The following ASIC2 variants were observed in gnomAD, a reference collection of about 807,000 sequenced individuals.
ASIC2 encodes acid-sensing ion channel 2.
Under a neutral mutation model 57.3 loss-of-function variants are expected in ASIC2, and 25 were observed. The observed-to-expected ratio is 0.44, with a 90% confidence interval of 0.32 to 0.61. The LOEUF (loss-of-function observed/expected upper bound fraction) is 0.61, where lower values mean the gene tolerates loss of function less well. ASIC2 is among the 20% of genes least tolerant of loss of function. The pLI, the probability that ASIC2 is intolerant of heterozygous loss-of-function variation, is 0.06. For synonymous variants in ASIC2, 319 were observed against 307.5 expected, an observed-to-expected ratio of 1.04 and a Z score of -0.39; for missense variants, 641 against 738.1, an observed-to-expected ratio of 0.87 and a Z score of 1.52.
At chr17:33,910,602 C>T (rs1915441414) in intron 1 of ASIC2, among the ~76,000 whole-genome samples, 1 of 152,114 alleles carries the variant, frequency 6.6e-6, no homozygotes, top group Admixed American at 6.5e-5. Flanking sequence ...TCATCTTTTC[C>T]CCCAGACTAT....
chr17:33,082,031 G>A (rs1385243354), intron 3 of ASIC2, among the ~76,000 whole-genome samples: 1 of 152,174 alleles, frequency 6.6e-6, no homozygotes, highest in African/African-American at 2.4e-5. Flanking sequence ...CAGCTCAAGT[G>A]ATATAAAGTC....
At chr17:33,266,955 T>G (rs900017297) in intron 1 of ASIC2, among the ~76,000 whole-genome samples, 1 of 152,164 alleles carries the variant, frequency 6.6e-6, no homozygotes, top group African/African-American at 2.4e-5. Flanking sequence ...ACGATTTGGT[T>G]GATTCTGTAT....
rs567502728 is a variant in ASIC2, at chr17:34,122,926, C to T, written c.555+33052G>A. Among the ~76,000 whole-genome samples the T allele has an allele frequency of 1.1e-4, 16 of 152,316 alleles. No homozygotes were observed. In the East Asian group the frequency reaches 2.3e-3, roughly 22 times the overall value. On this transcript the variant is annotated intron_variant, in intron 1 of 9. Transcript: ENST00000359872. ...CACAAAGCAGCCTCATAAAGAATAT[C>T]GTCAAGTAATAAAATATCCAAATCT...
At chr17:33,987,221 A>G (rs1905848974) in intron 1 of ASIC2, among the ~76,000 whole-genome samples, 1 of 152,168 alleles carries the variant, frequency 6.6e-6, no homozygotes. Flanking sequence ...GTTTTGAACC[A>G]ACTCGGCTGC....
intron 1 of ASIC2, among the ~76,000 whole-genome samples, chr17:33,267,603 G>A: frequency 6.6e-6 from 1 of 152,200 alleles, no homozygotes; most frequent in East Asian, 1.9e-4. Flanking sequence ...AAACCCCAAA[G>A]GTGAAGCAGT....
At chr17:33,546,557 G>A (rs952753682) in intron 1 of ASIC2, among the ~76,000 whole-genome samples, 1 of 152,148 alleles carries the variant, frequency 6.6e-6, no homozygotes, top group African/African-American at 2.4e-5. Context: ...GGCACATAAT[G>A]TAACCTCCTT....
intron 1 of ASIC2, among the ~76,000 whole-genome samples, chr17:33,487,020 CAGT>C (rs1913596655): frequency 6.6e-6 from 1 of 152,138 alleles, no homozygotes; most frequent in Non-Finnish European, 1.5e-5. Context: ...AATCATCCTG[CAGT>C]AGTAGAAGAG....
intron 1 of ASIC2, among the ~76,000 whole-genome samples, chr17:33,502,750 G>A (rs1255416787): frequency 1.3e-5 from 2 of 152,150 alleles, no homozygotes; most frequent in African/African-American, 4.8e-5. Flanking sequence ...TCCTTAAAAT[G>A]GGTTGGCCTC....
intron 1 of ASIC2, among the ~76,000 whole-genome samples, chr17:33,464,817 G>T (rs1475246243): frequency 2.6e-5 from 4 of 151,474 alleles, no homozygotes; most frequent in Non-Finnish European, 4.4e-5. Flanking sequence ...AGCCCCATAA[G>T]CATTTGGACA....
chr17:33,134,677 T>C (rs1298323713), intron 1 of ASIC2, among the ~76,000 whole-genome samples: 2 of 152,210 alleles, frequency 1.3e-5, no homozygotes, highest in Non-Finnish European at 2.9e-5. Context: ...CAGCACTGGT[T>C]GTCCTGCCTG....
Position 33,769,873 on chromosome 17 carries a change from A to G in ASIC2, c.555+386105T>C, listed in dbSNP as rs544512833. Among the ~76,000 whole-genome samples the G allele has an allele frequency of 5.3e-5, 8 of 152,306 alleles. No homozygotes were observed. The East Asian group carries it at 9.7e-4, about 18-fold the overall frequency. On this transcript the variant is annotated intron_variant, in intron 1 of 9. Coordinates refer to the ASIC2 transcript ENST00000359872. ...TCCTCACATGGTGAAGAGCAGAGGG[A>G]GAAAACCCATGGCTCCTCCTCTCTT...
At chr17:34,082,515 G>A (rs1248430363) in intron 1 of ASIC2, among the ~76,000 whole-genome samples, 1 of 152,130 alleles carries the variant, frequency 6.6e-6, no homozygotes, top group Non-Finnish European at 1.5e-5. Context: ...TCACTGCATT[G>A]CCTGTTTTTT....
In ASIC2 at chr17:33,222,822, C is replaced by T. The variant is rs1907733046; in HGVS notation, c.708+68586G>A. Among the ~76,000 whole-genome samples the T allele has an allele frequency of 2.0e-5, 3 of 152,286 alleles. No homozygotes were observed. In the South Asian group the frequency reaches 6.2e-4, roughly 32 times the overall value. On this transcript the variant is annotated intron_variant, in intron 1 of 9. Transcript: ENST00000225823. ...TACAGTCTAGCAGTACTCAATCAAT[C>T]AGTTCATCAATCAGCCATTCATTCA...
At chr17:33,400,847 C>T (rs1223377677) in intron 1 of ASIC2, among the ~76,000 whole-genome samples, 3 of 152,142 alleles carry the variant, frequency 2.0e-5, no homozygotes, top group Non-Finnish European at 4.4e-5. Flanking sequence ...CTCTCTATTA[C>T]AAACAGGCAT....
intron 1 of ASIC2, among the ~76,000 whole-genome samples, chr17:33,807,594 C>G (rs1232015039): frequency 1.3e-5 from 2 of 152,100 alleles, no homozygotes. Context: ...CTTCTCTTGT[C>G]TCTCCCCTTT....
intron 1 of ASIC2, among the ~76,000 whole-genome samples, chr17:33,857,476 A>ACC (rs1913991451): frequency 6.6e-6 from 1 of 151,994 alleles, no homozygotes; most frequent in Non-Finnish European, 1.5e-5. Context: ...CAACACCTAG[A>ACC]CCCCTTTCCG....
chr17:33,062,701 A>G (rs1041988310), intron 3 of ASIC2, among the ~76,000 whole-genome samples: 1 of 152,136 alleles, frequency 6.6e-6, no homozygotes, highest in African/African-American at 2.4e-5. Context: ...AGCTGAATTC[A>G]ATTCCTGGAT....
intron 1 of ASIC2, among the ~76,000 whole-genome samples, chr17:33,663,251 C>T (rs1157077370): frequency 6.6e-6 from 1 of 152,194 alleles, no homozygotes; most frequent in Non-Finnish European, 1.5e-5. Flanking sequence ...TGAGTCAAAT[C>T]CGGGTTTGTC....
chr17:33,142,514 T>C (rs1904357807), intron 1 of ASIC2, among the ~76,000 whole-genome samples: 1 of 152,208 alleles, frequency 6.6e-6, no homozygotes, highest in Non-Finnish European at 1.5e-5. Flanking sequence ...AGCAGGTCAA[T>C]GCACACCCAG....
Sources: gnomAD v4.1 joint callset for allele counts (sites outside exome capture counted in the v4.1 genomes callset) on GRCh38, gnomAD v4.1.1 for gene constraint, MANE v1.5 for transcripts, NCBI Gene and HGNC (gene_info 2026-07-23, HGNC 2026-07-21) for gene names.